Variants in F12 observed in about 807,000 individuals in gnomAD.
F12 encodes Hageman factor.
A neutral mutation model predicts 74.8 loss-of-function variants in F12; 70 were observed. That is an observed-to-expected ratio of 0.94 (90% CI 0.77 to 1.14). The LOEUF (loss-of-function observed/expected upper bound fraction) is 1.14. F12 is among the 50% of genes most tolerant of loss of function. The pLI, the probability that F12 is intolerant of heterozygous loss-of-function variation, is 0.00. For synonymous variants in F12, 373 were observed against 356.4 expected (o/e 1.05, Z -0.52); for missense variants, 811 against 835.7 (o/e 0.97, Z 0.36).
At chr5:177,406,094 C>G in intron 2 of F12, 33 bp from the exon 3 acceptor site, 1 of 1,573,596 alleles carries the variant, frequency 6.4e-7, no homozygotes, top group South Asian at 1.1e-5. Flanking sequence ...GAGGACTTCC[C>G]CTGTACTCAA....
In F12 at chr5:177,404,254, C is replaced by T. The variant is rs758647719; in HGVS notation, c.960G>A (p.Pro320=). ...TCGTGGGCTGAGGCTTCGGCGGTGC[C>T]GGCTGCGCGGGCATGAGTGGGACAT... is the stretch of plus-strand genomic sequence containing the variant. ...RLHVPLMPAQ[P]APPKPQPTTR... Residue 320 remains proline, a synonymous_variant, in exon 9 of 14, where the codon CCG becomes CCA. Coordinates refer to ENST00000253496, the MANE Select transcript of F12 (RefSeq NM_000505.4). 8 of 1,595,462 alleles carry T rather than the reference C, an allele frequency of 5.0e-6. No homozygotes were observed. The highest frequency in any genetic ancestry group is 2.2e-5 in the South Asian group (2 of 89,136).
rs1008941800 is a variant in F12 at position 177,409,539 on chromosome 5, G to A, written c.-12C>T. The stretch of plus-strand genomic sequence containing the variant: ...AGCAGAGCCCTCATGGCATCCGTCC[G>A]TTGGTCCAGCTGCCTATCCAGGAGT... On this transcript the variant is annotated 5_prime_UTR_variant, in exon 1 of 14. The change creates a new upstream start codon in the 5' untranslated region. Coordinates refer to ENST00000253496, the MANE Select transcript of F12 (RefSeq NM_000505.4). The A allele has an allele frequency of 5.0e-6, 8 of 1,613,806 alleles. No homozygotes were observed. Among genetic ancestry groups the A allele is most frequent in the African/African-American group, 1.3e-5 (1 of 74,916 alleles).
chr5:177,405,243 A>G, intron 5 of F12, 58 bp from the exon 6 acceptor site: 2 of 1,613,456 alleles, frequency 1.2e-6, no homozygotes, highest in South Asian at 2.2e-5. Flanking sequence ...CAAGTCTCCG[A>G]GTATCCAGCA....
At position 177,403,286 on chromosome 5, in the gene F12, C is replaced by T. The variant is rs755263622; in HGVS notation, c.1499G>A (p.Cys500Tyr). ...GAARPSETTL[C>Y]QVAGWGHQFE... ...CTGGTGGCCCCAGCCGGCCACCTGG[C>T]AGAGCGTGGTCTCGGAGGGTCGCGC... The change falls in exon 12 of 14, where the codon TGC (cysteine) becomes TAC (tyrosine). Residue 500 changes from cysteine (C) to tyrosine (Y), a missense_variant. Physicochemically the swap from Cys to Tyr is radical, Grantham distance 194. Coordinates refer to ENST00000253496, the MANE Select transcript of F12 (RefSeq NM_000505.4). 6.2e-7 allele frequency: 1 copy of T among 1,600,422 alleles called. No homozygotes were observed. Among genetic ancestry groups the T allele is most frequent in the Non-Finnish European group, 8.5e-7 (1 of 1,179,838 alleles).
chr5:177,405,750 G>A lies in F12; in HGVS notation c.271C>T (p.Pro91Ser), dbSNP rs763794408. The change falls in exon 4 of 14, where the codon CCC (proline) becomes TCC (serine). Residue 91 changes from proline to serine, a missense_variant. By Grantham distance (74) the Pro-to-Ser change is moderately conservative. Coordinates refer to ENST00000253496, the MANE Select transcript of F12 (RefSeq NM_000505.4). The stretch of plus-strand genomic sequence containing the variant: ...TGTGTAGCACCTTTCACTTTCTTGG[G>A]CTCCAAACAGTATCCCCATCGCTGG... ...QDQRWGYCLEPKKVKDHCSKH... is the reference protein window; with the variant it reads ...QDQRWGYCLESKKVKDHCSKH... 1.5e-5 allele frequency: 25 copies of A among 1,614,144 alleles called. No individual in the cohort carries two copies. The highest frequency in any genetic ancestry group is 1.3e-4 in the East Asian group (6 of 44,880).
Position 177,406,021 on chromosome 5 carries a change from C to T in F12, c.156G>A (p.Gln52=). The change falls in exon 3 of 14, where the codon CAG becomes CAA. Residue 52 remains glutamine, a synonymous_variant. Coordinates refer to ENST00000253496, the MANE Select transcript of F12 (RefSeq NM_000505.4). ...ATTTGTGGTACAGCTGCCGGTGGTACTGGAAGGGGAAGTGGCAGGGCTCCC... is the reference window on the plus strand; with the variant it reads ...ATTTGTGGTACAGCTGCCGGTGGTATTGGAAGGGGAAGTGGCAGGGCTCCC... ...VTGEPCHFPF[Q]YHRQLYHKCT... 2 of 1,614,070 alleles carry T rather than the reference C, an allele frequency of 1.2e-6. No homozygotes were observed. The highest frequency in any genetic ancestry group is 1.7e-6 in the Non-Finnish European group (2 of 1,180,016).
rs1763199851 is a variant in F12 at position 177,403,612 on chromosome 5, G to A, written c.1256C>T (p.Ala419Val). The change falls in exon 11 of 14, where the codon GCA becomes GTA. Residue 419 changes from alanine (A) to valine (V), a missense_variant. Ala to Val is a moderately conservative substitution (Grantham distance 64). Coordinates refer to ENST00000253496, the MANE Select transcript of F12 (RefSeq NM_000505.4). ...GAGCACCACCGTCAGATCCTCGGGT[G>A]CGGGCCTGCGGGGGGGGTAGGGGAG... ...TAAHCLQDRP[A>V]PEDLTVVLGQ... is the part of the protein sequence containing the mutation. 1.2e-6 allele frequency: 2 copies of A among 1,604,610 alleles called. No individual in the cohort carries two copies. Among genetic ancestry groups the A allele is most frequent in the Admixed American group, 1.7e-5 (1 of 59,890 alleles).
chr5:177,403,683 C>A, intron 10 of F12, 66 bp from the exon 11 acceptor site: 1 of 1,570,398 alleles, frequency 6.4e-7, no homozygotes, highest in East Asian at 2.3e-5. Context: ...GGGAAGCCCC[C>A]TGCTCCCGAA....
Position 177,403,604 on chromosome 5 carries a change from C to T in F12, c.1264G>A (p.Asp422Asn). The T allele has an allele frequency of 1.2e-6, 2 of 1,605,564 alleles. No homozygotes were observed. Among genetic ancestry groups the T allele is most frequent in the Non-Finnish European group, 1.7e-6 (2 of 1,179,312 alleles). Reference protein sequence around the residue: ...HCLQDRPAPEDLTVVLGQERR... With the variant: ...HCLQDRPAPENLTVVLGQERR... The stretch of plus-strand genomic sequence containing the variant: ...TCCTGGCCGAGCACCACCGTCAGAT[C>T]CTCGGGTGCGGGCCTGCGGGGGGGG... Residue 422 changes from aspartate to asparagine, a missense_variant, in exon 11 of 14, where the codon GAT becomes AAT. By Grantham distance (23) the Asp-to-Asn change is conservative. Coordinates refer to ENST00000253496, the MANE Select transcript of F12 (RefSeq NM_000505.4).
At chr5:177,406,379 C>T (rs1466639409) in intron 2 of F12, among the ~76,000 whole-genome samples, 1 of 152,180 alleles carries the variant, frequency 6.6e-6, no homozygotes, top group African/African-American at 2.4e-5. Flanking sequence ...GTCCCAGCTA[C>T]TCGGGAGGCC....
Position 177,404,036 on chromosome 5 carries a change from C to G in F12, c.1073G>C (p.Ser358Thr). 6.2e-7 allele frequency: 1 copy of G among 1,602,380 alleles called. No homozygotes were observed. Among genetic ancestry groups the G allele is most frequent in the Non-Finnish European group, 8.5e-7 (1 of 1,179,622 alleles). Residue 358 changes from serine (S) to threonine (T), a missense_variant, in exon 10 of 14, where the codon AGC (serine) becomes ACC (threonine). Ser to Thr is a moderately conservative substitution (Grantham distance 58). Transcript: ENST00000253496. ...PPSLTRNGPL[S>T]CGQRLRKSLS... is the part of the protein sequence containing the mutation. ...ACTCTTGCGGAGCCGCTGCCCGCAG[C>G]TCAGTGGGCCGTTCCTGGTCAGGGA...
In F12 at chr5:177,404,303, G is replaced by A; in HGVS notation, c.911C>T (p.Pro304Leu). Residue 304 changes from proline to leucine, a missense_variant, in exon 9 of 14, where the codon CCG (proline) becomes CTG (leucine). Transcript: ENST00000253496. ...ATGAAGCCTAGGGGACACCGGGGTC[G>A]GAGGCGCCGCCTGGGTTGGGGTCTG... ...QCQTPTQAAP[P>L]TPVSPRLHVP... 2 of 1,601,182 alleles carry A rather than the reference G, an allele frequency of 1.2e-6. No individual in the cohort carries two copies. The highest frequency in any genetic ancestry group is 1.1e-5 in the South Asian group (1 of 89,976).
intron 10 of F12, 86 bp from the exon 11 acceptor site, chr5:177,403,703 C>G (rs928590661): frequency 1.9e-6 from 3 of 1,545,348 alleles, no homozygotes; most frequent in South Asian, 2.3e-5. Flanking sequence ...ACCCCAATCC[C>G]GTGTTCCAGC....
chr5:177,402,187 C>T lies in F12; in HGVS notation c.*105G>A, dbSNP rs1763147625. 8.3e-6 allele frequency: 12 copies of T among 1,439,742 alleles called. No homozygotes were observed. The highest frequency in any genetic ancestry group is 1.4e-5 in the African/African-American group (1 of 71,044). The allele number at this position is 1,439,742 out of a possible 1,614,324, so 89.2% of individuals were successfully genotyped here. A position where few individuals can be genotyped will look rare whatever the true frequency, so the allele number is the denominator to read the frequency against. The stretch of plus-strand genomic sequence containing the variant: ...ATTGAGTTCCTGCGCCATCCTGGCG[C>T]GGAGCTGGCCGCACTGGGGGAATGG... On this transcript the variant is annotated 3_prime_UTR_variant, in exon 14 of 14. Coordinates refer to ENST00000253496, the MANE Select transcript of F12 (RefSeq NM_000505.4).
intron 2 of F12, among the ~76,000 whole-genome samples, chr5:177,408,291 T>A (rs992724612): frequency 6.6e-6 from 1 of 151,950 alleles, no homozygotes; most frequent in Non-Finnish European, 1.5e-5. Context: ...CCTGACCTCA[T>A]GATCCACCGA....
At chr5:177,408,573 C>T (rs1763340402) in intron 2 of F12, among the ~76,000 whole-genome samples, 1 of 152,234 alleles carries the variant, frequency 6.6e-6, no homozygotes, top group Non-Finnish European at 1.5e-5. Flanking sequence ...CCTGGTTTCA[C>T]AGAAGGGGAA....
In F12 at chr5:177,405,973, G is replaced by T. The variant is rs757584081; in HGVS notation, c.204C>A (p.Gly68=). 12 of 1,613,938 alleles carry T rather than the reference G, an allele frequency of 7.4e-6. No homozygotes were observed. Among genetic ancestry groups the T allele is most frequent in the Non-Finnish European group, 1.0e-5 (12 of 1,179,910 alleles). The part of the protein sequence containing the change: ...YHKCTHKGRP[G]PQPWCATTPN... Reference sequence around the variant, plus strand: ...CTGCGTAGTCTTACCAGGGCTGAGGGCCTGGCCGGCCCTTGTGGGTACATT... The same window carrying T: ...CTGCGTAGTCTTACCAGGGCTGAGGTCCTGGCCGGCCCTTGTGGGTACATT... Residue 68 remains glycine (G), a synonymous_variant, in exon 3 of 14, where the codon GGC becomes GGA. Transcript: ENST00000253496.
rs1323224629 is a variant in F12, at chr5:177,405,751, C to G, written c.270G>C (p.Glu90Asp). The change falls in exon 4 of 14, where the codon GAG becomes GAC. Residue 90 changes from glutamate (E) to aspartate (D), a missense_variant. Physicochemically the swap from Glu to Asp is conservative, Grantham distance 45. Transcript: ENST00000253496. ...DQDQRWGYCL[E>D]PKKVKDHCSK... ...GTGTAGCACCTTTCACTTTCTTGGG[C>G]TCCAAACAGTATCCCCATCGCTGGT... The G allele has an allele frequency of 1.2e-6, 2 of 1,614,190 alleles. No individual in the cohort carries two copies. Among genetic ancestry groups the G allele is most frequent in the African/African-American group, 1.3e-5 (1 of 75,050 alleles).
In F12 at chr5:177,404,583, T is replaced by C. The variant is rs746629681; in HGVS notation, c.716A>G (p.Gln239Arg). The C allele has an allele frequency of 5.0e-6, 8 of 1,608,580 alleles. No homozygotes were observed. In the Admixed American group the frequency reaches 1.3e-4, roughly 27 times the overall value. Reference protein sequence around the residue: ...ARTTLSGAPCQPWASEATYRN... With the variant: ...ARTTLSGAPCRPWASEATYRN... ...GTAGGTGGCCTCCGAGGCCCACGGCTGACAGGGCGCACCCGAGAGCGTGGT... is the reference window on the plus strand; with the variant it reads ...GTAGGTGGCCTCCGAGGCCCACGGCCGACAGGGCGCACCCGAGAGCGTGGT... The change falls in exon 8 of 14, where the codon CAG (glutamine) becomes CGG (arginine). Residue 239 changes from glutamine to arginine, a missense_variant. By Grantham distance (43) the Gln-to-Arg change is conservative. Coordinates refer to ENST00000253496, the MANE Select transcript of F12 (RefSeq NM_000505.4).
Sources: gnomAD v4.1 joint callset for allele counts (sites outside exome capture counted in the v4.1 genomes callset) on GRCh38, gnomAD v4.1.1 for gene constraint, MANE v1.5 for transcripts, NCBI Gene and HGNC (gene_info 2026-07-23, HGNC 2026-07-21) for gene names.